The following RALGPS2 variants were observed in gnomAD, a reference collection of about 807,000 sequenced individuals.
The protein encoded by RALGPS2 is Ral GEF with PH domain and SH3 binding motif 2, also known as ras-specific guanine nucleotide-releasing factor RalGPS2.
Under a neutral mutation model 86.8 loss-of-function variants are expected in RALGPS2, and 43 were observed. The observed-to-expected ratio is 0.50, with a 90% CI of 0.39 to 0.64. RALGPS2 has a LOEUF of 0.64. Ranked by LOEUF, RALGPS2 falls within the 30% of genes least tolerant of loss-of-function variation. RALGPS2 has a pLI of 0.00. For missense variants in RALGPS2, 536 were observed against 694.6 expected, an observed-to-expected ratio of 0.77 and a Z score of 2.57; for synonymous variants, 243 against 231.3, an observed-to-expected ratio of 1.05 and a Z score of -0.46.
At chr1:178,758,112 T>C (rs1305774262) in intron 1 of RALGPS2, among the ~76,000 whole-genome samples, 2 of 152,162 alleles carry the variant, frequency 1.3e-5, no homozygotes, top group Non-Finnish European at 2.9e-5. Flanking sequence ...TGTTTTGTAT[T>C]TCTGTGGAAT....
chr1:178,860,667 C>A (rs1353919665), intron 8 of RALGPS2, among the ~76,000 whole-genome samples: 1 of 152,186 alleles, frequency 6.6e-6, no homozygotes, highest in Non-Finnish European at 1.5e-5. Context: ...ACTCTAAATA[C>A]TTCATATAAG....
intron 1 of RALGPS2, among the ~76,000 whole-genome samples, chr1:178,771,347 T>C (rs922982881): frequency 6.6e-6 from 1 of 152,266 alleles, no homozygotes; most frequent in Non-Finnish European, 1.5e-5. Context: ...TGGCATTTTT[T>C]GAAGAATATA....
At chr1:178,768,477 C>T (rs1449050156) in intron 1 of RALGPS2, among the ~76,000 whole-genome samples, 1 of 152,170 alleles carries the variant, frequency 6.6e-6, no homozygotes, top group Non-Finnish European at 1.5e-5. Context: ...CTTCTGTTGG[C>T]AGGTTTTTAA....
chr1:178,857,773 G>A (rs375315508), intron 8 of RALGPS2, among the ~76,000 whole-genome samples: 11 of 152,218 alleles, frequency 7.2e-5, no homozygotes, highest in African/African-American at 2.2e-4. Flanking sequence ...ATATTCAAAG[G>A]TTGGACTTTT....
At chr1:178,833,832 G>A (rs1351929142) in intron 8 of RALGPS2, among the ~76,000 whole-genome samples, 1 of 152,070 alleles carries the variant, frequency 6.6e-6, no homozygotes, top group Non-Finnish European at 1.5e-5. Flanking sequence ...TTTTAGTAAT[G>A]CTTTTAAAGA....
intron 19 of RALGPS2, among the ~76,000 whole-genome samples, chr1:178,907,931 CTT>C (rs899139015): frequency 3.3e-5 from 5 of 152,216 alleles, no homozygotes; most frequent in Admixed American, 1.3e-4. Flanking sequence ...TAAGTCCATT[CTT>C]TTTGTTTGTT....
At position 178,877,924 on chromosome 1, in the gene RALGPS2, T is replaced by G. The variant is rs534840501; in HGVS notation, c.745+289T>G. Reference sequence around the variant, plus strand: ...CTCACAGCACAAAGGCACTAAGTATTTAATATTACTACCTCACAGCTATTT... The same window carrying G: ...CTCACAGCACAAAGGCACTAAGTATGTAATATTACTACCTCACAGCTATTT... On this transcript the variant is annotated intron_variant, in intron 9 of 19. Coordinates refer to ENST00000367635, the MANE Select transcript of RALGPS2 (RefSeq NM_152663.5). Among the ~76,000 whole-genome samples, 77 of 152,272 alleles carry G rather than the reference T, an allele frequency of 5.1e-4. 1 individual carries two copies. The highest frequency in any genetic ancestry group is 1.8e-3 in the African/African-American group (74 of 41,588).
chr1:178,917,502 A>C lies in RALGPS2; in HGVS notation c.*1143A>C, dbSNP rs1025438887. 5 of 152,280 alleles carry C rather than the reference A, an allele frequency of 3.3e-5. No homozygotes were observed. Among genetic ancestry groups the C allele is most frequent in the Admixed American group, 1.3e-4 (2 of 15,296 alleles). The allele number at this position is 152,280 out of a possible 1,614,324, so 9.4% of individuals were successfully genotyped here. ...GTTATAAGACATACAAAATAATTTT[A>C]AGAGGGATAAAGGTGAAAATATCAG... On this transcript the variant is annotated 3_prime_UTR_variant, in exon 20 of 20. Transcript: ENST00000367635.
chr1:178,764,857 C>A (rs1652416876), intron 1 of RALGPS2, among the ~76,000 whole-genome samples: 1 of 152,082 alleles, frequency 6.6e-6, no homozygotes, highest in African/African-American at 2.4e-5. Context: ...GGGGGTGGGG[C>A]CTAGTGGGAG....
intron 17 of RALGPS2, among the ~76,000 whole-genome samples, chr1:178,901,139 C>T (rs980934492): frequency 1.1e-4 from 16 of 151,880 alleles, no homozygotes; most frequent in Non-Finnish European, 1.3e-4. Context: ...TTCCTTTAAT[C>T]GTGAAGCATA....
At chr1:178,822,904 C>G (rs1655573246) in intron 7 of RALGPS2, among the ~76,000 whole-genome samples, 1 of 152,158 alleles carries the variant, frequency 6.6e-6, no homozygotes, top group African/African-American at 2.4e-5. Context: ...ACTGCAGCCC[C>G]CAACTCCTGG....
At chr1:178,906,096 GGT>G (rs1232590247) in intron 18 of RALGPS2, among the ~76,000 whole-genome samples, 4 of 152,182 alleles carry the variant, frequency 2.6e-5, no homozygotes, top group African/African-American at 4.8e-5. Context: ...ATTTAGGCCA[GGT>G]GTGGGGGCTC....
At chr1:178,859,825 C>A (rs554814630) in intron 8 of RALGPS2, among the ~76,000 whole-genome samples, 3 of 70,840 alleles carry the variant, frequency 4.2e-5, no homozygotes, top group African/African-American at 1.5e-4. Context: ...TGCCCGCCCC[C>A]CCCCCCCCAA....
chr1:178,906,907 G>A, intron 19 of RALGPS2, 40 bp downstream of exon 19: 2 of 1,565,514 alleles, frequency 1.3e-6, no homozygotes, highest in Non-Finnish European at 1.8e-6. Flanking sequence ...TCCATAATTT[G>A]GGAACATATG....
At chr1:178,892,149 A>C in intron 14 of RALGPS2, 81 bp from the exon 15 acceptor site, 1 of 1,210,202 alleles carries the variant, frequency 8.3e-7, no homozygotes, top group Non-Finnish European at 1.2e-6. Flanking sequence ...AGAAGAAACT[A>C]TTATACTGTT....
intron 1 of RALGPS2, among the ~76,000 whole-genome samples, chr1:178,762,108 A>G (rs1388525222): frequency 6.6e-6 from 1 of 151,960 alleles, no homozygotes; most frequent in Non-Finnish European, 1.5e-5. Flanking sequence ...AGAACATGCA[A>G]TATTTTGTTT....
chr1:178,730,810 T>A (rs1348541887), intron 1 of RALGPS2, among the ~76,000 whole-genome samples: 2 of 151,954 alleles, frequency 1.3e-5, no homozygotes, highest in African/African-American at 4.8e-5. Flanking sequence ...TAAGCGATTC[T>A]CCTGCCTCAG....
intron 5 of RALGPS2, 31 bp downstream of exon 5, chr1:178,808,159 A>C: frequency 1.4e-6 from 2 of 1,381,464 alleles, no homozygotes. Context: ...ACTGTGTCTG[A>C]AATTCAGTTC....
At chr1:178,736,918 A>G (rs2102013868) in intron 1 of RALGPS2, among the ~76,000 whole-genome samples, 1 of 152,290 alleles carries the variant, frequency 6.6e-6, no homozygotes, top group Admixed American at 6.5e-5. Flanking sequence ...AAGCATATGA[A>G]GACTAATACA....
Sources: gnomAD v4.1 joint callset for allele counts (sites outside exome capture counted in the v4.1 genomes callset) on GRCh38, gnomAD v4.1.1 for gene constraint, MANE v1.5 for transcripts, NCBI Gene and HGNC (gene_info 2026-07-23, HGNC 2026-07-21) for gene names.